Variants in CHN1 observed in about 807,000 individuals in gnomAD.
The protein encoded by CHN1 is chimerin 1.
In CHN1, 37 loss-of-function variants were observed where a neutral mutation model predicts 59.5. That is an observed-to-expected ratio of 0.62 (90% CI 0.48 to 0.82). CHN1 has a LOEUF of 0.82. CHN1 is among the 40% of genes least tolerant of loss of function. The probability of loss-of-function intolerance (pLI) is 0.00; values close to 1 mark genes in which losing one functional copy is unlikely to be tolerated. For missense variants in CHN1, 469 were observed against 571.0 expected, an observed-to-expected ratio of 0.82 and a Z score of 1.82; for synonymous variants, 206 against 200.4, an observed-to-expected ratio of 1.03 and a Z score of -0.24.
At chr2:174,811,447 A>G (rs1685070832) in intron 10 of CHN1, 64 bp downstream of exon 10, 1 of 1,104,512 alleles carries the variant, frequency 9.1e-7, no homozygotes, top group Non-Finnish European at 1.3e-6. Context: ...ACCTCACAAG[A>G]AATTGTGCCT....
intron 3 of CHN1, among the ~76,000 whole-genome samples, chr2:174,926,781 G>A (rs1396318457): frequency 3.3e-5 from 5 of 149,734 alleles, no homozygotes; most frequent in East Asian, 2.0e-4. Flanking sequence ...TTTTTTAGAC[G>A]GAGTCTTGCT....
intron 1 of CHN1, among the ~76,000 whole-genome samples, chr2:174,983,824 T>C (rs1284932156): frequency 1.3e-5 from 2 of 151,088 alleles, no homozygotes; most frequent in South Asian, 2.1e-4. Context: ...CAAGACTCCG[T>C]CTTAAAAATA....
chr2:174,951,321 A>G (rs541380535), intron 2 of CHN1, among the ~76,000 whole-genome samples: 1 of 152,326 alleles, frequency 6.6e-6, no homozygotes, highest in East Asian at 1.9e-4. Flanking sequence ...CTGAGAACAT[A>G]AGACCAATGA....
intron 6 of CHN1, among the ~76,000 whole-genome samples, chr2:174,861,455 T>C (rs967531904): frequency 2.0e-5 from 3 of 152,188 alleles, no homozygotes; most frequent in Admixed American, 1.3e-4. Context: ...TTCGTAAGCC[T>C]CTCTGAATTC....
chr2:174,892,596 A>T (rs930778529), intron 5 of CHN1, among the ~76,000 whole-genome samples: 1 of 152,200 alleles, frequency 6.6e-6, no homozygotes. Flanking sequence ...ACAGGAAGGA[A>T]TATTTCCAAA....
intron 1 of CHN1, among the ~76,000 whole-genome samples, chr2:174,974,377 A>C (rs1289767966): frequency 6.6e-6 from 1 of 152,214 alleles, no homozygotes; most frequent in African/African-American, 2.4e-5. Context: ...AATACTAGGA[A>C]TTGAAAAGCA....
Position 174,811,471 on chromosome 2 carries a change from T to C in CHN1, c.964+40A>G, listed in dbSNP as rs75136407. On this transcript the variant is annotated intron_variant, in intron 10 of 12. Transcript: ENST00000409900. ...GAAATTGTGCCTTTTTAGAAAAGAG[T>C]ATTATTGTCCTAAGTTATGGAACAT... The C allele has an allele frequency of 4.0e-3, 5,515 of 1,389,948 alleles. 179 individuals are homozygous for C. The African/African-American group carries it at 0.071, about 18-fold the overall frequency. The allele number at this position is 1,389,948 out of a possible 1,614,324, so 86.1% of individuals were successfully genotyped here. A position where few individuals can be genotyped will look rare whatever the true frequency, so the allele number is the denominator to read the frequency against.
chr2:174,856,747 G>T (rs1686911644), intron 6 of CHN1, among the ~76,000 whole-genome samples: 1 of 152,040 alleles, frequency 6.6e-6, no homozygotes, highest in African/African-American at 2.4e-5. Flanking sequence ...TGAGCTCTAT[G>T]GTCTTCTCTA....
At chr2:174,941,442 T>C (rs1037369053) in intron 3 of CHN1, among the ~76,000 whole-genome samples, 1 of 152,182 alleles carries the variant, frequency 6.6e-6, no homozygotes, top group Non-Finnish European at 1.5e-5. Flanking sequence ...AATACCACAG[T>C]ATACTTTCTA....
At position 174,807,582 on chromosome 2, in the gene CHN1, G is replaced by A. The variant is rs560017484; in HGVS notation, c.1102+1323C>T. ...TGTCTGCCCCATGAGACAAGGACATGTGAGATCCCTCATACAAATTTTCAT... is the reference window on the plus strand; with the variant it reads ...TGTCTGCCCCATGAGACAAGGACATATGAGATCCCTCATACAAATTTTCAT... On this transcript the variant is annotated intron_variant, in intron 11 of 12. Transcript: ENST00000409900. 2.0e-5 allele frequency among the ~76,000 whole-genome samples: 3 copies of A among 150,744 alleles called. No homozygotes were observed. The East Asian group carries it at 6.0e-4, about 30-fold the overall frequency.
At position 174,894,532 on chromosome 2, in the gene CHN1, C is replaced by T. The variant is rs112607326; in HGVS notation, c.261-16404G>A. Reference sequence around the variant, plus strand: ...GTGTACAGTTGGTGAGACTGGAAAACGGTGAAAAACACTATGAAAAACAGT... The same window carrying T: ...GTGTACAGTTGGTGAGACTGGAAAATGGTGAAAAACACTATGAAAAACAGT... On this transcript the variant is annotated intron_variant, in intron 5 of 12. Transcript: ENST00000409900. 4.6e-3 allele frequency among the ~76,000 whole-genome samples: 707 copies of T among 152,090 alleles called. 9 individuals carry two copies. Among genetic ancestry groups the T allele is most frequent in the African/African-American group, 0.016 (672 of 41,508 alleles).
intron 5 of CHN1, among the ~76,000 whole-genome samples, chr2:174,890,546 A>C (rs1261380405): frequency 6.6e-6 from 1 of 152,120 alleles, no homozygotes; most frequent in South Asian, 2.1e-4. Context: ...AGAAGAAGAA[A>C]AAATATATAC....
intron 1 of CHN1, among the ~76,000 whole-genome samples, chr2:174,955,125 CTAA>C (rs1558996449): frequency 4.8e-5 from 7 of 146,628 alleles, no homozygotes; most frequent in African/African-American, 1.5e-4. Flanking sequence ...ATCTATAGAT[CTAA>C]TATAGATCTA....
intron 5 of CHN1, among the ~76,000 whole-genome samples, chr2:174,897,798 C>A (rs1688263965): frequency 6.6e-6 from 1 of 152,120 alleles, no homozygotes; most frequent in African/African-American, 2.4e-5. Context: ...ACAATCTATT[C>A]TCTTCTGGGA....
chr2:174,999,085 T>C (rs1691802768), intron 1 of CHN1, among the ~76,000 whole-genome samples: 1 of 152,178 alleles, frequency 6.6e-6, no homozygotes, highest in East Asian at 1.9e-4. Context: ...AATATGACTT[T>C]TCAATGTAAA....
chr2:174,893,163 A>C (rs549702066), intron 5 of CHN1, among the ~76,000 whole-genome samples: 2 of 152,326 alleles, frequency 1.3e-5, no homozygotes, highest in East Asian at 3.9e-4. Context: ...CCAAATTGCA[A>C]AGGAACAAGT....
intron 3 of CHN1, among the ~76,000 whole-genome samples, chr2:174,933,174 ATATG>A (rs1199576679): frequency 6.6e-6 from 1 of 152,190 alleles, no homozygotes; most frequent in Admixed American, 6.5e-5. Flanking sequence ...AACTGGATAT[ATATG>A]TGTGTATATA....
intron 3 of CHN1, among the ~76,000 whole-genome samples, chr2:174,925,720 C>G (rs1227752396): frequency 6.6e-6 from 1 of 152,194 alleles, no homozygotes; most frequent in East Asian, 1.9e-4. Context: ...CAACCAATTG[C>G]CAATCAAAAA....
chr2:174,831,240 G>C (rs1273670636), intron 7 of CHN1, among the ~76,000 whole-genome samples: 1 of 152,010 alleles, frequency 6.6e-6, no homozygotes, highest in Non-Finnish European at 1.5e-5. Flanking sequence ...ATTCAATATT[G>C]GCCTTATTAA....
Sources: gnomAD v4.1 joint callset for allele counts (sites outside exome capture counted in the v4.1 genomes callset) on GRCh38, gnomAD v4.1.1 for gene constraint, MANE v1.5 for transcripts, NCBI Gene and HGNC (gene_info 2026-07-23, HGNC 2026-07-21) for gene names.